Variants in SGTA observed in about 807,000 individuals in gnomAD.
SGTA encodes small glutamine rich tetratricopeptide repeat co-chaperone alpha.
SGTA carries 22 observed loss-of-function variants against 44.3 expected under a neutral mutation model. The ratio of observed to expected loss-of-function variants is 0.50; its 90% CI spans 0.36 to 0.71. The LOEUF (loss-of-function observed/expected upper bound fraction) is 0.71. Among genes scored for constraint, SGTA ranks in the 30% least tolerant of loss-of-function variants. The probability of loss-of-function intolerance (pLI) is 0.00; values close to 1 mark genes in which losing one functional copy is unlikely to be tolerated. For missense variants in SGTA, 341 were observed against 435.9 expected, an observed-to-expected ratio of 0.78 and a Z score of 1.94; for synonymous variants, 174 against 177.6, an observed-to-expected ratio of 0.98 and a Z score of 0.16.
rs1031595273 is a variant in SGTA, at chr19:2,761,943, T to A, written c.637-421A>T. On this transcript the variant is annotated intron_variant, in intron 7 of 11. Coordinates refer to ENST00000221566, the MANE Select transcript of SGTA (RefSeq NM_003021.4). The surrounding 1 kb of genome is among the most constrained non-coding windows in gnomAD (Gnocchi z 5.7). ...TCTATCATCCCGTGTTGATTTCCTGTATTCTGCCGCTTTGACACCTTGGGG... is the reference window on the plus strand; with the variant it reads ...TCTATCATCCCGTGTTGATTTCCTGAATTCTGCCGCTTTGACACCTTGGGG... Among the ~76,000 whole-genome samples the A allele has an allele frequency of 1.3e-5, 2 of 152,176 alleles. No individual in the cohort carries two copies. The highest frequency in any genetic ancestry group is 2.9e-5 in the Non-Finnish European group (2 of 68,012).
At chr19:2,783,052 G>C (rs1175140358) in intron 1 of SGTA, among the ~76,000 whole-genome samples, 181 bp downstream of exon 1, 1 of 152,244 alleles carries the variant, frequency 6.6e-6, no homozygotes, top group Non-Finnish European at 1.5e-5. Context: ...ATCAGGGCTC[G>C]AAGGGCCTGC....
chr19:2,781,788 G>A (rs1049598903), intron 1 of SGTA, among the ~76,000 whole-genome samples: 3 of 152,028 alleles, frequency 2.0e-5, no homozygotes, highest in Admixed American at 6.6e-5. Flanking sequence ...ACGATTTCCC[G>A]GGCCCACACA....
chr19:2,777,649 G>A (rs995101953), intron 1 of SGTA: 2 of 152,168 alleles, frequency 1.3e-5, no homozygotes, highest in African/African-American at 2.4e-5. Context: ...TCTCTTCAGA[G>A]GTTTCATTGG....
chr19:2,764,207 G>C (rs560763332), intron 5 of SGTA, among the ~76,000 whole-genome samples: 2 of 152,182 alleles, frequency 1.3e-5, no homozygotes, highest in South Asian at 4.1e-4. Flanking sequence ...GTACAGAGAA[G>C]AGTGAGTGGA....
At chr19:2,768,228 C>A (rs553479788) in intron 2 of SGTA, among the ~76,000 whole-genome samples, 2 of 152,260 alleles carry the variant, frequency 1.3e-5, no homozygotes, top group Non-Finnish European at 2.9e-5. Flanking sequence ...GCCCTCCCAC[C>A]GAGCCAGACA....
intron 1 of SGTA, among the ~76,000 whole-genome samples, chr19:2,774,380 G>A (rs1406358802): frequency 2.0e-5 from 3 of 152,208 alleles, no homozygotes; most frequent in Admixed American, 6.5e-5. Context: ...CGGAGGGAGG[G>A]AGCAGCTGCG....
chr19:2,754,933 T>C lies in SGTA; in HGVS notation c.*1007A>G, dbSNP rs936148234. The C allele has an allele frequency of 6.6e-6, 1 of 152,208 alleles. No individual in the cohort carries two copies. The highest frequency in any genetic ancestry group is 1.5e-5 in the Non-Finnish European group (1 of 68,084). 9.4% of individuals were successfully genotyped at this position (152,208 alleles called of 1,614,324 possible). On this transcript the variant is annotated 3_prime_UTR_variant, in exon 12 of 12. Transcript: ENST00000221566. This position sits in a 1 kb window ranked among gnomAD's most constrained non-coding sequence, Gnocchi z 4.4. ...CCCTGCTGCTGGGACCACGGCGCCG[T>C]GGGCTCGTCTGCCACCCCCAGGCCT...
chr19:2,768,866 A>C, intron 2 of SGTA, 103 bp downstream of exon 2: 1 of 857,708 alleles, frequency 1.2e-6, no homozygotes, highest in South Asian at 1.5e-5. Context: ...CCACCCCCAA[A>C]AAGCCAGGCG....
chr19:2,773,981 C>T (rs1915382215), intron 1 of SGTA, among the ~76,000 whole-genome samples: 1 of 144,656 alleles, frequency 6.9e-6, no homozygotes, highest in Non-Finnish European at 1.5e-5. Context: ...AGGGCAGGGA[C>T]ACCGAGGGCA....
chr19:2,780,724 A>C (rs920889401), intron 1 of SGTA, among the ~76,000 whole-genome samples: 2 of 152,176 alleles, frequency 1.3e-5, no homozygotes, highest in Non-Finnish European at 2.9e-5. Flanking sequence ...TTGTTGAAAA[A>C]TTCACAGCCA....
chr19:2,781,069 C>T (rs935761864), intron 1 of SGTA, among the ~76,000 whole-genome samples: 16 of 152,204 alleles, frequency 1.1e-4, no homozygotes, highest in African/African-American at 3.6e-4. Context: ...GGCGACAGAG[C>T]AAGACCCTAT....
intron 9 of SGTA, 82 bp downstream of exon 9, chr19:2,759,175 T>C: frequency 3.2e-6 from 4 of 1,269,402 alleles, no homozygotes; most frequent in Non-Finnish European, 4.6e-6. Flanking sequence ...TTAAAGTGGT[T>C]AGTTTTATGT....
chr19:2,773,562 C>G lies in SGTA; in HGVS notation c.-23-4471G>C, dbSNP rs371911877. Among the ~76,000 whole-genome samples, 24 of 20,212 alleles carry G rather than the reference C, an allele frequency of 1.2e-3. 1 individual carries two copies. Among genetic ancestry groups the G allele is most frequent in the South Asian group, 7.2e-3 (2 of 276 alleles). 13.3% of individuals were successfully genotyped at this position (20,212 alleles called of 152,430 possible). On this transcript the variant is annotated intron_variant, in intron 1 of 11. Transcript: ENST00000221566. ...GGCAGAGGTGGGTGACGCGGCCACA[C>G]GGCAGGGACACCGAGGGCAGAGGTG...
rs1915179067 is a variant in SGTA, at chr19:2,767,511, G to A, written c.207+69C>T. On this transcript the variant is annotated intron_variant, in intron 3 of 11. Coordinates refer to ENST00000221566, the MANE Select transcript of SGTA (RefSeq NM_003021.4). The surrounding 1 kb of genome is among the most constrained non-coding windows in gnomAD (Gnocchi z 7.3). ...GGACGATGAGAGCGGGGCTCCTGGGGTCCCCAGGGCTGCCTGCTGTTGCTG... is the reference window on the plus strand; with the variant it reads ...GGACGATGAGAGCGGGGCTCCTGGGATCCCCAGGGCTGCCTGCTGTTGCTG... 2.3e-6 allele frequency: 3 copies of A among 1,309,190 alleles called. No homozygotes were observed. The highest frequency in any genetic ancestry group is 2.9e-5 in the African/African-American group (2 of 69,010). 81.1% of individuals were successfully genotyped at this position (1,309,190 alleles called of 1,614,324 possible).
In SGTA at chr19:2,757,397, C is replaced by T; in HGVS notation, c.888G>A (p.Arg296=). The T allele has an allele frequency of 6.2e-7, 1 of 1,608,258 alleles. No individual in the cohort carries two copies. The highest frequency in any genetic ancestry group is 1.1e-5 in the South Asian group (1 of 91,090). Residue 296 remains arginine, a synonymous_variant, in exon 11 of 12, where the codon AGG becomes AGA. Transcript: ENST00000221566. The part of the protein sequence containing the change: ...QQNPELIEQL[R]SQIRSRTPSA... ...TGGGCGTCCGACTCCGGATCTGGCT[C>T]CTGAGCTGCTCTATCAACTCTGGGT...
intron 1 of SGTA, among the ~76,000 whole-genome samples, chr19:2,772,382 G>C (rs76801805): frequency 0.021 from 3,123 of 152,338 alleles, 42 homozygotes; most frequent in Non-Finnish European, 0.029. Flanking sequence ...CACCTACAAG[G>C]AAACTCTGAC....
Position 2,761,037 on chromosome 19 carries a change from C to G in SGTA, c.699+423G>C, listed in dbSNP as rs1914974935. On this transcript the variant is annotated intron_variant, in intron 8 of 11. Transcript: ENST00000221566. This position sits in a 1 kb window ranked among gnomAD's most constrained non-coding sequence, Gnocchi z 5.7. The stretch of plus-strand genomic sequence containing the variant: ...GGGAGGTCCACCTGCGCCCGGCGCA[C>G]CCGGCGCTCTGCTTCCCTTGCCTGA... Among the ~76,000 whole-genome samples the G allele has an allele frequency of 6.6e-6, 1 of 152,234 alleles. No individual in the cohort carries two copies. The highest frequency in any genetic ancestry group is 2.4e-5 in the African/African-American group (1 of 41,466).
chr19:2,758,558 A>G (rs1914895071), intron 9 of SGTA, among the ~76,000 whole-genome samples: 1 of 152,144 alleles, frequency 6.6e-6, no homozygotes, highest in African/African-American at 2.4e-5. Context: ...TTCACCATGA[A>G]AACAGGTGAG....
At position 2,767,637 on chromosome 19, in the gene SGTA, A is replaced by C; in HGVS notation, c.150T>G (p.Ser50Arg). The part of the protein sequence containing the change: ...ETAFGVTVED[S>R]DLALPQTLPE... The stretch of plus-strand genomic sequence containing the variant: ...GCAGAGTCTGAGGGAGCGCAAGGTC[A>C]CTGTCTTCTACCGTCACCCCAAACG... Residue 50 changes from serine (S) to arginine (R), a missense_variant, in exon 3 of 12, where the codon AGT becomes AGG. Ser to Arg is a moderately radical substitution (Grantham distance 110). Transcript: ENST00000221566. This position sits in a 1 kb window ranked among gnomAD's most constrained non-coding sequence, Gnocchi z 7.3. 1 of 1,613,728 alleles carries C rather than the reference A, an allele frequency of 6.2e-7. No homozygotes were observed. The highest frequency in any genetic ancestry group is 8.5e-7 in the Non-Finnish European group (1 of 1,179,980).
Sources: allele counts gnomAD v4.1 joint callset (sites outside exome capture counted in the v4.1 genomes callset), GRCh38; gene constraint gnomAD v4.1.1; non-coding constraint Gnocchi (gnomAD v3.1); transcripts MANE v1.5; gene names NCBI Gene and HGNC (gene_info 2026-07-23, HGNC 2026-07-21).